The following SPATA16 variants were observed in gnomAD, a reference collection of about 807,000 sequenced individuals.
SPATA16 encodes the protein spermatogenesis-associated protein 16.
SPATA16 carries 36 observed loss-of-function variants against 63.3 expected under a neutral mutation model. The observed-to-expected ratio is 0.57, with a 90% CI of 0.44 to 0.75. The LOEUF is 0.75. SPATA16 is among the 30% of genes least tolerant of loss of function. The pLI, the probability that SPATA16 is intolerant of heterozygous loss-of-function variation, is 0.00. For missense variants in SPATA16, 646 were observed against 679.3 expected, an observed-to-expected ratio of 0.95 and a Z score of 0.54; for synonymous variants, 203 against 216.7, an observed-to-expected ratio of 0.94 and a Z score of 0.56.
At chr3:173,057,145 T>G (rs1474889788) in intron 2 of SPATA16, among the ~76,000 whole-genome samples, 1 of 149,856 alleles carries the variant, frequency 6.7e-6, no homozygotes, top group Non-Finnish European at 1.5e-5. Context: ...AGATTCTCGC[T>G]CTGTGGCCCA....
At chr3:172,967,098 A>G (rs1486910764) in intron 5 of SPATA16, among the ~76,000 whole-genome samples, 1 of 152,240 alleles carries the variant, frequency 6.6e-6, no homozygotes, top group Non-Finnish European at 1.5e-5. Context: ...GAAACCATGC[A>G]GAATAGCCAC....
intron 2 of SPATA16, among the ~76,000 whole-genome samples, chr3:173,067,954 T>A (rs1409393315): frequency 1.3e-5 from 2 of 152,210 alleles, no homozygotes; most frequent in African/African-American, 4.8e-5. Flanking sequence ...GGAAGTGGAA[T>A]GACATTCAAA....
intron 2 of SPATA16, among the ~76,000 whole-genome samples, chr3:173,049,331 A>G (rs1414352888): frequency 6.6e-6 from 1 of 152,206 alleles, no homozygotes; most frequent in Non-Finnish European, 1.5e-5. Flanking sequence ...TGACTGTAAT[A>G]TAAAATAAGG....
chr3:172,998,729 A>T (rs913860731), intron 4 of SPATA16, among the ~76,000 whole-genome samples: 3 of 152,018 alleles, frequency 2.0e-5, no homozygotes, highest in African/African-American at 7.2e-5. Context: ...TCTTATTCCT[A>T]GTTTGCTGAG....
chr3:173,078,893 G>A (rs767018943), intron 2 of SPATA16, among the ~76,000 whole-genome samples: 6 of 152,062 alleles, frequency 3.9e-5, no homozygotes, highest in Middle Eastern at 3.2e-3. Context: ...TTAGTCTTTG[G>A]TAATGAGGAA....
chr3:173,102,651 G>T (rs1423490796), intron 2 of SPATA16, among the ~76,000 whole-genome samples: 1 of 152,074 alleles, frequency 6.6e-6, no homozygotes, highest in Non-Finnish European at 1.5e-5. Context: ...CTCCCCCCAG[G>T]CCCCACTTCC....
At chr3:173,120,649 T>C (rs1560130158) in intron 1 of SPATA16, among the ~76,000 whole-genome samples, 1 of 152,218 alleles carries the variant, frequency 6.6e-6, no homozygotes, top group African/African-American at 2.4e-5. Flanking sequence ...TATAAATGCA[T>C]AAAGTTATCT....
chr3:173,027,456 G>T (rs774700416), intron 3 of SPATA16, among the ~76,000 whole-genome samples: 21 of 151,836 alleles, frequency 1.4e-4, no homozygotes, highest in Admixed American at 2.6e-4. Flanking sequence ...ATTTGTTGTT[G>T]TTGCTGTTGT....
At chr3:172,978,071 C>CT (rs1270679367) in intron 4 of SPATA16, among the ~76,000 whole-genome samples, 1 of 151,480 alleles carries the variant, frequency 6.6e-6, no homozygotes, top group Non-Finnish European at 1.5e-5. Flanking sequence ...AATTAGGACT[C>CT]TAAAAAATCA....
intron 6 of SPATA16, among the ~76,000 whole-genome samples, chr3:172,932,662 T>A (rs1732898344): frequency 6.6e-6 from 1 of 152,162 alleles, no homozygotes; most frequent in Non-Finnish European, 1.5e-5. Flanking sequence ...TGAAGCAAAG[T>A]TGTTATTATT....
intron 1 of SPATA16, among the ~76,000 whole-genome samples, chr3:173,131,756 C>A (rs1054343686): frequency 6.6e-6 from 1 of 152,114 alleles, no homozygotes; most frequent in African/African-American, 2.4e-5. Flanking sequence ...AGGTAGACTT[C>A]TTTGAGGGTT....
At chr3:172,930,951 T>G (rs1414977378) in intron 6 of SPATA16, among the ~76,000 whole-genome samples, 1 of 151,718 alleles carries the variant, frequency 6.6e-6, no homozygotes, top group Non-Finnish European at 1.5e-5. Flanking sequence ...GCCTCCTGAG[T>G]TGCTGGGATT....
At position 172,954,085 on chromosome 3, in the gene SPATA16, C is replaced by T. The variant is rs144823219; in HGVS notation, c.1081+2592G>A. ...ATAGAAGCTTCTTAAATTCTATCTA[C>T]AAGGCTGATAATAGGAAGATGCATT... is the stretch of plus-strand genomic sequence containing the variant. On this transcript the variant is annotated intron_variant, in intron 6 of 10. Transcript: ENST00000351008. Among the ~76,000 whole-genome samples the T allele has an allele frequency of 2.2e-3, 328 of 152,274 alleles. 1 individual carries two copies. Among genetic ancestry groups the T allele is most frequent in the African/African-American group, 7.4e-3 (307 of 41,562 alleles).
chr3:172,933,762 C>G lies in SPATA16; in HGVS notation c.1082-8270G>C, dbSNP rs997585811. On this transcript the variant is annotated intron_variant, in intron 6 of 10. Coordinates refer to ENST00000351008, the MANE Select transcript of SPATA16 (RefSeq NM_031955.6). ...CCCTTTAAAACTGACTTCACTAAGTCAGTTTGAGCTGTGATTCCTACCACT... is the reference window on the plus strand; with the variant it reads ...CCCTTTAAAACTGACTTCACTAAGTGAGTTTGAGCTGTGATTCCTACCACT... Among the ~76,000 whole-genome samples, 3 of 152,124 alleles carry G rather than the reference C, an allele frequency of 2.0e-5. No homozygotes were observed. In the South Asian group the frequency reaches 6.2e-4, roughly 32 times the overall value.
At chr3:172,916,874 AT>A (rs1732506094) in intron 8 of SPATA16, among the ~76,000 whole-genome samples, 4 of 152,348 alleles carry the variant, frequency 2.6e-5, no homozygotes, top group East Asian at 3.9e-4. Context: ...GTTGCCTACT[AT>A]CTTGTTTATC....
intron 6 of SPATA16, among the ~76,000 whole-genome samples, chr3:172,946,016 A>G (rs1385328360): frequency 6.6e-6 from 1 of 152,146 alleles, no homozygotes; most frequent in African/African-American, 2.4e-5. Context: ...AGGGGTGAGT[A>G]AAGAAGACTT....
At chr3:172,901,702 A>G (rs1422137975) in intron 10 of SPATA16, among the ~76,000 whole-genome samples, 1 of 152,134 alleles carries the variant, frequency 6.6e-6, no homozygotes, top group East Asian at 1.9e-4. Flanking sequence ...TTCACCCTCC[A>G]TAACACCTGA....
chr3:173,060,316 G>A (rs903250648), intron 2 of SPATA16, among the ~76,000 whole-genome samples: 1 of 151,974 alleles, frequency 6.6e-6, no homozygotes, highest in African/African-American at 2.4e-5. Context: ...TGAATCCTAA[G>A]GATGTTCTCT....
At chr3:173,121,063 C>T (rs888003415) in intron 1 of SPATA16, among the ~76,000 whole-genome samples, 8 of 152,166 alleles carry the variant, frequency 5.3e-5, no homozygotes, top group Admixed American at 1.3e-4. Context: ...GAAACTAATT[C>T]AGGTTCCCTC....
Sources: gnomAD v4.1 joint callset for allele counts (sites outside exome capture counted in the v4.1 genomes callset) on GRCh38, gnomAD v4.1.1 for gene constraint, MANE v1.5 for transcripts, NCBI Gene and HGNC (gene_info 2026-07-23, HGNC 2026-07-21) for gene names.